KAT6B: variants seen among roughly 807,000 people sequenced by gnomAD.
KAT6B encodes the protein lysine acetyltransferase 6B, also known as histone acetyltransferase KAT6B.
In KAT6B, 10 loss-of-function variants were observed where a neutral mutation model predicts 187.5. The ratio of observed to expected loss-of-function variants is 0.05; its 90% CI spans 0.03 to 0.09. KAT6B has a LOEUF of 0.09. Ranked by LOEUF, KAT6B falls within the 10% of genes least tolerant of loss-of-function variation. The probability of loss-of-function intolerance (pLI) is 1.00; values close to 1 mark genes in which losing one functional copy is unlikely to be tolerated. For missense variants in KAT6B, 1,952 were observed against 2,558.9 expected, an observed-to-expected ratio of 0.76 and a Z score of 5.12; for synonymous variants, 861 against 926.8, an observed-to-expected ratio of 0.93 and a Z score of 1.29.
Position 74,987,127 on chromosome 10 carries a change from A to C in KAT6B, c.2535+1886A>C, listed in dbSNP as rs903779227. Among the ~76,000 whole-genome samples the C allele has an allele frequency of 2.6e-5, 4 of 152,288 alleles. No individual in the cohort carries two copies. The East Asian group carries it at 7.7e-4, about 29-fold the overall frequency. ...ATAGTGAAACAAAAATTAATCTAAA[A>C]AATAAGCATGTTAAAAGACTAGATG... On this transcript the variant is annotated intron_variant, in intron 12 of 17. Transcript: ENST00000287239.
chr10:75,018,281 G>A (rs1845131657), intron 13 of KAT6B, among the ~76,000 whole-genome samples: 1 of 152,200 alleles, frequency 6.6e-6, no homozygotes, highest in South Asian at 2.1e-4. Context: ...ACCCATCAGG[G>A]CTGATCACCC....
At chr10:75,028,034 CACAA>C (rs1425217737) in intron 17 of KAT6B, among the ~76,000 whole-genome samples, 1 of 152,108 alleles carries the variant, frequency 6.6e-6, no homozygotes, top group African/African-American at 2.4e-5. Flanking sequence ...TATAAATGTC[CACAA>C]ACAGAGGTTT....
intron 3 of KAT6B, among the ~76,000 whole-genome samples, chr10:74,916,287 A>G (rs748912059): frequency 2.6e-5 from 4 of 152,228 alleles, no homozygotes; most frequent in African/African-American, 7.2e-5. Flanking sequence ...ACTTACATCT[A>G]TAGTTCCAAA....
At chr10:74,988,403 G>A (rs1190997948) in intron 12 of KAT6B, among the ~76,000 whole-genome samples, 1 of 152,194 alleles carries the variant, frequency 6.6e-6, no homozygotes, top group Non-Finnish European at 1.5e-5. Flanking sequence ...TTGTTTGGAG[G>A]CTTTAGGGTT....
intron 1 of KAT6B, among the ~76,000 whole-genome samples, chr10:74,834,005 T>C (rs1356032833): frequency 6.6e-6 from 1 of 152,200 alleles, no homozygotes; most frequent in East Asian, 1.9e-4. Flanking sequence ...TGCTTTTGTT[T>C]TTTCTTTCAA....
chr10:74,947,521 A>G (rs765349785), intron 3 of KAT6B, among the ~76,000 whole-genome samples: 6 of 152,378 alleles, frequency 3.9e-5, no homozygotes, highest in Middle Eastern at 6.8e-3. Context: ...TTAATCAAAC[A>G]TCTACTGTGT....
chr10:75,030,244 A>C lies in KAT6B; in HGVS notation c.5420A>C (p.His1807Pro), dbSNP rs1366790393. ...GGTCAGAGTGATTTTGGGGCTGGGCATTACCCGCAGCCGTCAGCCACCTTC... is the reference window on the plus strand; with the variant it reads ...GGTCAGAGTGATTTTGGGGCTGGGCCTTACCCGCAGCCGTCAGCCACCTTC... ...RMGQSDFGAG[H>P]YPQPSATFSL... The change falls in exon 18 of 18, where the codon CAT becomes CCT. Residue 1807 changes from histidine (H) to proline (P), a missense_variant. Transcript: ENST00000287239. This position sits in a 1 kb window ranked among gnomAD's most constrained non-coding sequence, Gnocchi z 4.8. 6.2e-7 allele frequency: 1 copy of C among 1,614,222 alleles called. No individual in the cohort carries two copies. Among genetic ancestry groups the C allele is most frequent in the Non-Finnish European group, 8.5e-7 (1 of 1,180,030 alleles).
intron 3 of KAT6B, among the ~76,000 whole-genome samples, chr10:74,942,706 A>AAAC (rs1429663441): frequency 7.3e-6 from 1 of 136,390 alleles, no homozygotes; most frequent in Non-Finnish European, 1.5e-5. Context: ...TGGAGGTTGC[A>AAAC]GTGAGCCGAG....
rs778203913 is a variant in KAT6B, at chr10:75,028,718, A to G, written c.3894A>G (p.Gly1298=). ...TVEEQKETSE[G]KTSPSPIRIE... ...AAGAACAGAAGGAGACTTCAGAAGG[A>G]AAAACCAGCCCCAGTCCCATCAGGA... The change falls in exon 18 of 18, where the codon GGA becomes GGG. Residue 1298 remains glycine, a synonymous_variant. Coordinates refer to ENST00000287239, the MANE Select transcript of KAT6B (RefSeq NM_012330.4). 1.2e-6 allele frequency: 2 copies of G among 1,613,978 alleles called. No homozygotes were observed. The highest frequency in any genetic ancestry group is 2.2e-5 in the South Asian group (2 of 91,074).
Position 74,975,624 on chromosome 10 carries a change from G to C in KAT6B, c.1287G>C (p.Lys429Asn), listed in dbSNP as rs1346053851. The C allele has an allele frequency of 6.2e-7, 1 of 1,614,092 alleles. No individual in the cohort carries two copies. The highest frequency in any genetic ancestry group is 1.3e-5 in the African/African-American group (1 of 75,010). The change falls in exon 8 of 18, where the codon AAG becomes AAC. Residue 429 changes from lysine to asparagine, a missense_variant. Lys to Asn is a moderately conservative substitution (Grantham distance 94). This residue lies in a region of KAT6B where 417 missense variants were observed against 508.9 expected (regional missense o/e 0.82). Transcript: ENST00000287239. Reference protein sequence around the residue: ...YISASTLKVNKKTKGLIDGLT... With the variant: ...YISASTLKVNNKTKGLIDGLT... ...CTGCCTCTACACTTAAAGTTAACAA[G>C]AAAACCAAAGGGCTCATTGATGGCC...
At chr10:74,909,056 G>GA (rs1259818633) in intron 3 of KAT6B, among the ~76,000 whole-genome samples, 1 of 152,202 alleles carries the variant, frequency 6.6e-6, no homozygotes, top group East Asian at 1.9e-4. Context: ...GTAATAGTTA[G>GA]AAATGGCCAT....
chr10:75,030,612 G>A lies in KAT6B; in HGVS notation c.5788G>A (p.Ala1930Thr). ...KGHISMRTKS[A>T]SLSPAAATHQ... Reference sequence around the variant, plus strand: ...CCACATCTCCATGAGAACCAAGTCAGCGTCTCTGTCACCAGCCGCTGCCAC... The same window carrying A: ...CCACATCTCCATGAGAACCAAGTCAACGTCTCTGTCACCAGCCGCTGCCAC... Residue 1930 changes from alanine to threonine, a missense_variant, in exon 18 of 18, where the codon GCG becomes ACG. By Grantham distance (58) the Ala-to-Thr change is moderately conservative (BLOSUM62 0). Transcript: ENST00000287239. The surrounding 1 kb of genome is among the most constrained non-coding windows in gnomAD (Gnocchi z 4.8). The A allele has an allele frequency of 1.9e-6, 3 of 1,612,952 alleles. No homozygotes were observed. Among genetic ancestry groups the A allele is most frequent in the Non-Finnish European group, 2.5e-6 (3 of 1,178,938 alleles).
Position 74,972,587 on chromosome 10 carries a change from C to A in KAT6B, c.1009C>A (p.Arg337=). ...LHEKAAQIKR[R]YAKPIGRPKN... is the part of the protein sequence containing the mutation. ...TGAGAAAGCTGCACAAATAAAACGA[C>A]GATATGCAAAACCCATTGGACGACC... The change falls in exon 7 of 18, where the codon CGA becomes AGA. Residue 337 remains arginine (R), a synonymous_variant. Transcript: ENST00000287239. The A allele has an allele frequency of 6.2e-7, 1 of 1,612,858 alleles. No individual in the cohort carries two copies. The highest frequency in any genetic ancestry group is 1.1e-5 in the South Asian group (1 of 90,964).
chr10:74,940,818 G>C (rs1441549982), intron 3 of KAT6B, among the ~76,000 whole-genome samples: 2 of 152,100 alleles, frequency 1.3e-5, no homozygotes, highest in Non-Finnish European at 2.9e-5. Context: ...TTAGGTGGTA[G>C]GCAACAAATT....
chr10:74,838,399 G>A (rs1398307048), intron 1 of KAT6B, among the ~76,000 whole-genome samples: 1 of 152,066 alleles, frequency 6.6e-6, no homozygotes, highest in Non-Finnish European at 1.5e-5. Context: ...TTTTTCTTAG[G>A]AATCTATCAC....
At chr10:74,860,300 T>C (rs774516051) in intron 3 of KAT6B, among the ~76,000 whole-genome samples, 1 of 152,184 alleles carries the variant, frequency 6.6e-6, no homozygotes, top group Non-Finnish European at 1.5e-5. Context: ...TTGTGCCTTG[T>C]GAAATGTGCA....
intron 17 of KAT6B, among the ~76,000 whole-genome samples, chr10:75,027,529 T>C (rs1332559471): frequency 1.3e-5 from 2 of 152,092 alleles, no homozygotes; most frequent in Non-Finnish European, 2.9e-5. Flanking sequence ...TTCTAGAAGA[T>C]TGGTGTAATC....
At chr10:74,877,001 C>G (rs1247954060) in intron 3 of KAT6B, among the ~76,000 whole-genome samples, 1 of 151,958 alleles carries the variant, frequency 6.6e-6, no homozygotes, top group East Asian at 1.9e-4. Context: ...AAGTCTCGCT[C>G]TGTTGCTCAG....
Position 75,021,278 on chromosome 10 carries a change from A to G in KAT6B, c.3014A>G (p.Glu1005Gly). The G allele has an allele frequency of 1.2e-6, 2 of 1,614,108 alleles. No homozygotes were observed. The highest frequency in any genetic ancestry group is 2.2e-5 in the South Asian group (2 of 91,078). The change falls in exon 15 of 18, where the codon GAG becomes GGG. Residue 1005 changes from glutamate (E) to glycine (G), a missense_variant. By Grantham distance (98) the Glu-to-Gly change is moderately conservative (BLOSUM62 -2). This residue lies in a region of KAT6B where 758 missense variants were observed against 891.4 expected (regional missense o/e 0.85). Transcript: ENST00000287239. ...AAVSEEEREA[E>G]KEAERLMEQA... Reference sequence around the variant, plus strand: ...GTGTCTGAAGAAGAGCGAGAAGCTGAGAAAGAGGTAATGATTGTCTTTATC... The same window carrying G: ...GTGTCTGAAGAAGAGCGAGAAGCTGGGAAAGAGGTAATGATTGTCTTTATC...
Sources: allele counts gnomAD v4.1 joint callset (sites outside exome capture counted in the v4.1 genomes callset), GRCh38; gene constraint gnomAD v4.1.1; regional missense constraint gnomAD v4.1.1; non-coding constraint Gnocchi (gnomAD v3.1); transcripts MANE v1.5; gene names NCBI Gene and HGNC (gene_info 2026-07-23, HGNC 2026-07-21).